The following NNT variants were observed in gnomAD, a reference collection of about 807,000 sequenced individuals.
NNT encodes the protein NAD(P) transhydrogenase, mitochondrial.
In NNT, 50 loss-of-function variants were observed where a neutral mutation model predicts 104.8. That is an observed-to-expected ratio of 0.48 (90% CI 0.38 to 0.60). The LOEUF is 0.60. Ranked by LOEUF, NNT falls within the 20% of genes least tolerant of loss-of-function variation. The pLI, the probability that NNT is intolerant of heterozygous loss-of-function variation, is 0.00. For missense variants in NNT, 1,131 were observed against 1,330.7 expected, an observed-to-expected ratio of 0.85 and a Z score of 2.33; for synonymous variants, 461 against 490.4, an observed-to-expected ratio of 0.94 and a Z score of 0.79.
intron 19 of NNT, among the ~76,000 whole-genome samples, chr5:43,698,126 CTTAT>C (rs1742654767): frequency 6.6e-6 from 1 of 151,548 alleles, no homozygotes; most frequent in Non-Finnish European, 1.5e-5. Flanking sequence ...ACACATATAA[CTTAT>C]TTATCTGGCT....
chr5:43,630,213 C>G (rs1050411526), intron 7 of NNT, among the ~76,000 whole-genome samples: 1 of 152,196 alleles, frequency 6.6e-6, no homozygotes, highest in Non-Finnish European at 1.5e-5. Flanking sequence ...TATCCCAGCA[C>G]CATTGCTTGA....
rs544674149 is a variant in NNT at position 43,640,273 on chromosome 5, C to T, written c.965-3919C>T. Among the ~76,000 whole-genome samples the T allele has an allele frequency of 3.9e-5, 6 of 152,218 alleles. No individual in the cohort carries two copies. The South Asian group carries it at 8.3e-4, about 21-fold the overall frequency. On this transcript the variant is annotated intron_variant, in intron 7 of 21. Transcript: ENST00000344920. ...TATTCATTTCCATGTTATACATGTA[C>T]AAAATCCGGACACATCTTCCTGTTT...
At chr5:43,604,842 A>ATT (rs111838247) in intron 1 of NNT, among the ~76,000 whole-genome samples, 6 of 147,152 alleles carry the variant, frequency 4.1e-5, no homozygotes, top group African/African-American at 1.2e-4. Context: ...CTGCTAATTA[A>ATT]TTTTTTTTTT....
chr5:43,701,443 A>T (rs1450696733), intron 20 of NNT, among the ~76,000 whole-genome samples: 1 of 152,160 alleles, frequency 6.6e-6, no homozygotes, highest in Admixed American at 6.6e-5. Flanking sequence ...GTAGTATTCC[A>T]TGGCACATAT....
chr5:43,632,661 T>C (rs1209787001), intron 7 of NNT, among the ~76,000 whole-genome samples: 2 of 152,164 alleles, frequency 1.3e-5, no homozygotes, highest in African/African-American at 2.4e-5. Context: ...CCCCGCTTTG[T>C]GGTGCTGTGC....
chr5:43,628,149 C>G lies in NNT; in HGVS notation c.777-51C>G, dbSNP rs374128623. The G allele has an allele frequency of 1.4e-3, 1,956 of 1,378,928 alleles. 14 individuals carry two copies. Among genetic ancestry groups the G allele is most frequent in the South Asian group, 0.011 (631 of 56,280 alleles). 85.4% of individuals were successfully genotyped at this position (1,378,928 alleles called of 1,614,324 possible). A position where few individuals can be genotyped will look rare whatever the true frequency, so the allele number is the denominator to read the frequency against. ...TATATGTAAATGATGATCTTGACTT[C>G]TTTATTAGGGCCTGAAATAACTACT... is the stretch of plus-strand genomic sequence containing the variant. On this transcript the variant is annotated intron_variant, in intron 6 of 21. Coordinates refer to ENST00000344920, the MANE Select transcript of NNT (RefSeq NM_182977.3).
At position 43,651,776 on chromosome 5, in the gene NNT, C is replaced by T. The variant is rs772305801; in HGVS notation, c.1755C>T (p.Phe585=). 5.0e-6 allele frequency: 8 copies of T among 1,614,076 alleles called. No homozygotes were observed. The highest frequency in any genetic ancestry group is 1.7e-5 in the Admixed American group (1 of 60,016). ...FLVTQRMLDM[F]KRPTDPPEYN... ...TGACTCAGAGAATGCTGGACATGTT[C>T]AAGCGTCCCACTGACCCCCCAGAAT... Residue 585 remains phenylalanine (F), a synonymous_variant, in exon 13 of 22, where the codon TTC becomes TTT. Coordinates refer to ENST00000344920, the MANE Select transcript of NNT (RefSeq NM_182977.3).
chr5:43,701,998 G>A (rs1339253285), intron 20 of NNT, among the ~76,000 whole-genome samples: 6 of 151,678 alleles, frequency 4.0e-5, no homozygotes, highest in Middle Eastern at 3.4e-3. Flanking sequence ...TATAGATTCC[G>A]GATATTAGAA....
intron 6 of NNT, 73 bp downstream of exon 6, chr5:43,624,193 A>C: frequency 1.5e-6 from 2 of 1,336,816 alleles, no homozygotes; most frequent in Admixed American, 3.4e-5. Flanking sequence ...ATTGCCTTAA[A>C]ACTTGTAAAT....
chr5:43,626,099 T>C (rs1036719274), intron 6 of NNT, among the ~76,000 whole-genome samples: 2 of 151,672 alleles, frequency 1.3e-5, no homozygotes, highest in African/African-American at 4.8e-5. Flanking sequence ...TACATGTACA[T>C]ACAGTAAGCC....
chr5:43,670,469 C>G (rs372112887), intron 17 of NNT, among the ~76,000 whole-genome samples: 43 of 152,302 alleles, frequency 2.8e-4, no homozygotes, highest in East Asian at 2.3e-3. Context: ...CCCAGAGATT[C>G]TGGTATGTTG....
rs543820766 is a variant in NNT at position 43,691,656 on chromosome 5, T to G, written c.2877-8463T>G. ...GCATTAACTTTGAAAGAAAATCAGCTGATTAATAATGCAATGTGATACTTT... is the reference window on the plus strand; with the variant it reads ...GCATTAACTTTGAAAGAAAATCAGCGGATTAATAATGCAATGTGATACTTT... On this transcript the variant is annotated intron_variant, in intron 19 of 21. Coordinates refer to ENST00000344920, the MANE Select transcript of NNT (RefSeq NM_182977.3). Among the ~76,000 whole-genome samples, 2 of 152,376 alleles carry G rather than the reference T, an allele frequency of 1.3e-5. 1 individual carries two copies. The highest frequency in any genetic ancestry group is 4.8e-5 in the African/African-American group (2 of 41,594).
intron 19 of NNT, among the ~76,000 whole-genome samples, chr5:43,683,567 T>C (rs1741829510): frequency 6.6e-6 from 1 of 152,226 alleles, no homozygotes; most frequent in African/African-American, 2.4e-5. Flanking sequence ...GGTTTTAGTA[T>C]TAGTTACAGG....
intron 18 of NNT, among the ~76,000 whole-genome samples, chr5:43,677,183 T>G (rs1741458270): frequency 6.6e-6 from 1 of 151,952 alleles, no homozygotes; most frequent in Admixed American, 6.6e-5. Context: ...TGCAGACAGA[T>G]TGGGAATCAT....
intron 7 of NNT, among the ~76,000 whole-genome samples, chr5:43,635,299 C>T (rs1750875514): frequency 6.6e-6 from 1 of 152,094 alleles, no homozygotes; most frequent in Admixed American, 6.6e-5. Context: ...CGGGTTAGGA[C>T]AGTGTTGCCA....
At chr5:43,670,108 C>T (rs1430458902) in intron 17 of NNT, among the ~76,000 whole-genome samples, 1 of 152,122 alleles carries the variant, frequency 6.6e-6, no homozygotes, top group African/African-American at 2.4e-5. Flanking sequence ...GTTTGTATTT[C>T]TGTGGGATTG....
intron 6 of NNT, among the ~76,000 whole-genome samples, chr5:43,627,913 G>C (rs1750453341): frequency 6.6e-6 from 1 of 152,022 alleles, no homozygotes; most frequent in Admixed American, 6.5e-5. Flanking sequence ...GGGGTCATAA[G>C]GAACATAATT....
At chr5:43,614,168 T>C (rs1374464368) in intron 3 of NNT, among the ~76,000 whole-genome samples, 1 of 152,232 alleles carries the variant, frequency 6.6e-6, no homozygotes, top group Non-Finnish European at 1.5e-5. Context: ...TGAGATGTCT[T>C]GAAAAAGCCC....
At chr5:43,642,597 G>A (rs570909149) in intron 7 of NNT, among the ~76,000 whole-genome samples, 1 of 152,266 alleles carries the variant, frequency 6.6e-6, no homozygotes, top group South Asian at 2.1e-4. Context: ...AAATCATGTG[G>A]CAGCGAGCCC....
Sources: allele counts gnomAD v4.1 joint callset (sites outside exome capture counted in the v4.1 genomes callset), GRCh38; gene constraint gnomAD v4.1.1; transcripts MANE v1.5; gene names NCBI Gene and HGNC (gene_info 2026-07-23, HGNC 2026-07-21).